The following NCBP3 variants were observed in gnomAD, a reference collection of about 807,000 sequenced individuals.
NCBP3 encodes nuclear cap binding subunit 3.
A neutral mutation model predicts 75.7 loss-of-function variants in NCBP3; 20 were observed. The ratio of observed to expected loss-of-function variants is 0.26; its 90% confidence interval spans 0.19 to 0.38. The LOEUF is 0.38. Ranked by LOEUF, NCBP3 falls within the 10% of genes least tolerant of loss-of-function variation. The pLI is 1.00. For missense variants in NCBP3, 678 were observed against 796.9 expected, an observed-to-expected ratio of 0.85 and a Z score of 1.80; for synonymous variants, 293 against 290.5, an observed-to-expected ratio of 1.01 and a Z score of -0.09.
Position 3,812,539 on chromosome 17 carries a change from C to T in NCBP3, c.*505G>A. The T allele has an allele frequency of 1.0e-6, 1 of 1,001,996 alleles. No individual in the cohort carries two copies. The highest frequency in any genetic ancestry group is 1.2e-6 in the Non-Finnish European group (1 of 839,684). The allele number at this position is 1,001,996 out of a possible 1,614,324, so 62.1% of individuals were successfully genotyped here. ...TCTGAGGTCAGGTCCGTGAGATTCG[C>T]CCCACACTAGGGTCCCGGAAGGGTG... On this transcript the variant is annotated 3_prime_UTR_variant, in exon 13 of 13. Coordinates refer to ENST00000389005, the MANE Select transcript of NCBP3 (RefSeq NM_001114118.3).
chr17:3,821,392 T>C (rs374865015), intron 8 of NCBP3, 40 bp from the exon 9 acceptor site: 83 of 1,475,780 alleles, frequency 5.6e-5, no homozygotes, highest in African/African-American at 3.3e-4. Context: ...CAAAAACTGA[T>C]AGGAAGGACC....
intron 11 of NCBP3, among the ~76,000 whole-genome samples, chr17:3,815,719 G>A (rs773447290): frequency 6.6e-5 from 10 of 152,128 alleles, no homozygotes; most frequent in South Asian, 2.1e-4. Context: ...AATTTATACC[G>A]TATTAGGTAT....
chr17:3,811,088 T>C lies in NCBP3; in HGVS notation c.*1956A>G, dbSNP rs1456699034. 6.6e-5 allele frequency: 10 copies of C among 152,202 alleles called. No homozygotes were observed. Among genetic ancestry groups the C allele is most frequent in the African/African-American group, 1.9e-4 (8 of 41,392 alleles). The allele number at this position is 152,202 out of a possible 1,614,324, so 9.4% of individuals were successfully genotyped here. A position where few individuals can be genotyped will look rare whatever the true frequency, so the allele number is the denominator to read the frequency against. Reference sequence around the variant, plus strand: ...TCCCTGGCGCCTCCTCCACCTGCAGTAGAAATTCATGCTGGCGAGCCCACT... The same window carrying C: ...TCCCTGGCGCCTCCTCCACCTGCAGCAGAAATTCATGCTGGCGAGCCCACT... On this transcript the variant is annotated 3_prime_UTR_variant, in exon 13 of 13. Coordinates refer to ENST00000389005, the MANE Select transcript of NCBP3 (RefSeq NM_001114118.3).
intron 3 of NCBP3, among the ~76,000 whole-genome samples, chr17:3,829,905 A>G (rs2053848165): frequency 6.6e-6 from 1 of 152,236 alleles, no homozygotes; most frequent in Non-Finnish European, 1.5e-5. Flanking sequence ...GGAAATACAA[A>G]AGGCCAATAA....
rs1381798946 is a variant in NCBP3, at chr17:3,805,334, AG to A, written c.*7709del. 1 of 152,232 alleles carries A rather than the reference AG, an allele frequency of 6.6e-6. No homozygotes were observed. Among genetic ancestry groups the A allele is most frequent in the African/African-American group, 2.4e-5 (1 of 41,454 alleles). 9.4% of individuals were successfully genotyped at this position (152,232 alleles called of 1,614,324 possible). On this transcript the variant is annotated 3_prime_UTR_variant, in exon 13 of 13. Coordinates refer to ENST00000389005, the MANE Select transcript of NCBP3 (RefSeq NM_001114118.3). ...TGCAGACTGGGATCTCCACATGACC[AG>A]GTGCTGTGGACTGAACTGTAAATGT... is the stretch of plus-strand genomic sequence containing the variant.
Position 3,825,816 on chromosome 17 carries a change from T to C in NCBP3, c.638A>G (p.Asp213Gly). The C allele has an allele frequency of 1.9e-6, 3 of 1,551,582 alleles. No individual in the cohort carries two copies. The highest frequency in any genetic ancestry group is 2.0e-5 in the Admixed American group (1 of 51,014). ...KDKQEDSSDDDEAEEGEVEDE... is the reference protein window; with the variant it reads ...KDKQEDSSDDGEAEEGEVEDE... ...TTCAACCTCTCCTTCTTCAGCTTCA[T>C]CATCATCTGAACTGTCTTCCTGCTT... The change falls in exon 6 of 13, where the codon GAT becomes GGT. Residue 213 changes from aspartate (D) to glycine (G), a missense_variant. By Grantham distance (94) the Asp-to-Gly change is moderately conservative. Around this residue, in one of 7 missense-constraint regions of NCBP3, gnomAD observed 98 missense variants for 101.8 expected, o/e 0.96. Coordinates refer to ENST00000389005, the MANE Select transcript of NCBP3 (RefSeq NM_001114118.3).
rs765612836 is a variant in NCBP3 at position 3,818,362 on chromosome 17, T to C, written c.1211A>G (p.Tyr404Cys). Residue 404 changes from tyrosine to cysteine, a missense_variant, in exon 10 of 13, where the codon TAT becomes TGT. Coordinates refer to ENST00000389005, the MANE Select transcript of NCBP3 (RefSeq NM_001114118.3). This position sits in a 1 kb window ranked among gnomAD's most constrained non-coding sequence, Gnocchi z 4.7. ...ASSSDSDEMD[Y>C]DLELKMISTP... is the part of the protein sequence containing the mutation. ...GGAAATCATTTTCAGTTCTAGATCATAGTCCATTTCATCTGAGTCTGAGCT... is the reference window on the plus strand; with the variant it reads ...GGAAATCATTTTCAGTTCTAGATCACAGTCCATTTCATCTGAGTCTGAGCT... The C allele has an allele frequency of 9.3e-6, 15 of 1,614,108 alleles. No homozygotes were observed. The highest frequency in any genetic ancestry group is 5.5e-5 in the South Asian group (5 of 91,090).
At chr17:3,839,035 A>G (rs2054021463) in intron 3 of NCBP3, among the ~76,000 whole-genome samples, 1 of 152,232 alleles carries the variant, frequency 6.6e-6, no homozygotes, top group African/African-American at 2.4e-5. Context: ...AATAACACAG[A>G]GGGAAGCCTT....
At chr17:3,830,039 G>A (rs992105037) in intron 3 of NCBP3, among the ~76,000 whole-genome samples, 1 of 152,098 alleles carries the variant, frequency 6.6e-6, no homozygotes, top group Non-Finnish European at 1.5e-5. Context: ...TCCTTGAATC[G>A]AGATATCTTA....
At chr17:3,831,737 T>G (rs1359281339) in intron 3 of NCBP3, among the ~76,000 whole-genome samples, 5 of 120,996 alleles carry the variant, frequency 4.1e-5, no homozygotes, top group African/African-American at 1.3e-4. Context: ...CTGAAGCAAT[T>G]CTGTCAAGGG....
chr17:3,824,966 A>G lies in NCBP3; in HGVS notation c.772T>C (p.Leu258=). Residue 258 remains leucine (L), a synonymous_variant, in exon 7 of 13, where the codon TTA becomes CTA. Transcript: ENST00000389005. The part of the protein sequence containing the change: ...PANKLAKGNR[L]FMRFATKDDK... ...CCTTTTGTAGCAAATCTCATGAATA[A>G]CCTATTTCCTTTAGCAAGTTTGTTA... The G allele has an allele frequency of 6.5e-7, 1 of 1,538,968 alleles. No individual in the cohort carries two copies. The highest frequency in any genetic ancestry group is 2.5e-5 in the East Asian group (1 of 40,552).
intron 7 of NCBP3, chr17:3,824,461 CACGCG>C (rs1260546018): frequency 2.0e-5 from 3 of 153,114 alleles, no homozygotes; most frequent in African/African-American, 7.3e-5. Flanking sequence ...TACACACATA[CACGCG>C]ATACATACAT....
At chr17:3,835,713 G>GGGTT (rs1355616835) in intron 3 of NCBP3, among the ~76,000 whole-genome samples, 1 of 152,276 alleles carries the variant, frequency 6.6e-6, no homozygotes, top group Non-Finnish European at 1.5e-5. Flanking sequence ...AAGGCCTGCA[G>GGGTT]GGTTGGGCAC....
In NCBP3 at chr17:3,802,625, C is replaced by T. The variant is rs2053282290; in HGVS notation, c.*10419G>A. On this transcript the variant is annotated 3_prime_UTR_variant, in exon 13 of 13. Transcript: ENST00000389005. Reference sequence around the variant, plus strand: ...GCCTGCGGCCTACAGCCTGTCTTCCCAGCGCTCCAGGGCTCGTGACCCTCC... The same window carrying T: ...GCCTGCGGCCTACAGCCTGTCTTCCTAGCGCTCCAGGGCTCGTGACCCTCC... 1 of 152,300 alleles carries T rather than the reference C, an allele frequency of 6.6e-6. No homozygotes were observed. The highest frequency in any genetic ancestry group is 1.5e-5 in the Non-Finnish European group (1 of 68,116). The allele number at this position is 152,300 out of a possible 1,614,324, so 9.4% of individuals were successfully genotyped here.
chr17:3,835,390 T>A (rs1455519516), intron 3 of NCBP3, among the ~76,000 whole-genome samples: 4 of 152,174 alleles, frequency 2.6e-5, no homozygotes, highest in Admixed American at 2.6e-4. Flanking sequence ...CAACCATAAC[T>A]GGAACCCATA....
chr17:3,808,321 T>C lies in NCBP3; in HGVS notation c.*4723A>G, dbSNP rs1251263485. On this transcript the variant is annotated 3_prime_UTR_variant, in exon 13 of 13. Transcript: ENST00000389005. ...AGATGTTGGTCTTCAATAGGGCACCTTCCTTAGATTTCTAAGAGGAATTTT... is the reference window on the plus strand; with the variant it reads ...AGATGTTGGTCTTCAATAGGGCACCCTCCTTAGATTTCTAAGAGGAATTTT... The C allele has an allele frequency of 6.6e-6, 1 of 152,256 alleles. No homozygotes were observed. The highest frequency in any genetic ancestry group is 6.5e-5 in the Admixed American group (1 of 15,286). The allele number at this position is 152,256 out of a possible 1,614,324, so 9.4% of individuals were successfully genotyped here.
rs1358295752 is a variant in NCBP3, at chr17:3,829,265, G to T, written c.459C>A (p.Ile153=). ...SYFKEYPPAH[I]EWLDDTSCNV... Reference sequence around the variant, plus strand: ...TACAGGAGGTATCATCCAACCATTCGATGTGAGCTGGAGGATATTCTTTAA... The same window carrying T: ...TACAGGAGGTATCATCCAACCATTCTATGTGAGCTGGAGGATATTCTTTAA... Residue 153 remains isoleucine (I), a synonymous_variant, in exon 4 of 13, where the codon ATC becomes ATA. Transcript: ENST00000389005. The T allele has an allele frequency of 1.3e-6, 2 of 1,551,558 alleles. No homozygotes were observed. The highest frequency in any genetic ancestry group is 1.7e-6 in the Non-Finnish European group (2 of 1,146,918).
chr17:3,827,002 A>T (rs1245927783), intron 4 of NCBP3, among the ~76,000 whole-genome samples: 2 of 150,424 alleles, frequency 1.3e-5, no homozygotes, highest in Non-Finnish European at 3.0e-5. Context: ...ACAGAGCGAG[A>T]CTCTGTCAAG....
intron 3 of NCBP3, among the ~76,000 whole-genome samples, chr17:3,833,674 A>T (rs2053924638): frequency 6.6e-6 from 1 of 151,510 alleles, no homozygotes; most frequent in African/African-American, 2.4e-5. Context: ...TGAGGCCAGA[A>T]ATTTTGTTCC....
Sources: allele counts gnomAD v4.1 joint callset (sites outside exome capture counted in the v4.1 genomes callset), GRCh38; gene constraint gnomAD v4.1.1; regional missense constraint gnomAD v4.1.1; non-coding constraint Gnocchi (gnomAD v3.1); transcripts MANE v1.5; gene names NCBI Gene and HGNC (gene_info 2026-07-23, HGNC 2026-07-21).